The following PALM2AKAP2 variants were observed in gnomAD, a reference collection of about 807,000 sequenced individuals.
PALM2AKAP2 encodes PALM2-AKAP2 fusion protein.
A neutral mutation model predicts 71.5 loss-of-function variants in PALM2AKAP2; 37 were observed. The observed-to-expected ratio is 0.52, with a 90% CI of 0.40 to 0.68. The LOEUF is 0.68. PALM2AKAP2 is among the 30% of genes least tolerant of loss of function. PALM2AKAP2 has a pLI of 0.00. For missense variants in PALM2AKAP2, 1,224 were observed against 1,191.8 expected (o/e 1.03, Z -0.40); for synonymous variants, 468 against 478.8 (o/e 0.98, Z 0.29).
intron 1 of PALM2AKAP2, among the ~76,000 whole-genome samples, chr9:110,119,437 T>C (rs1835438570): frequency 6.6e-6 from 1 of 152,128 alleles, no homozygotes. Context: ...GATTGCGGCA[T>C]TGGAGATCCT....
chr9:109,996,556 C>A (rs1357486981), intron 6 of PALM2AKAP2, among the ~76,000 whole-genome samples: 1 of 152,080 alleles, frequency 6.6e-6, no homozygotes. Context: ...TTTTTGCTCT[C>A]ATTTTGTGCA....
chr9:109,892,814 T>C (rs967275470), intron 3 of PALM2AKAP2, among the ~76,000 whole-genome samples: 2 of 152,156 alleles, frequency 1.3e-5, no homozygotes, highest in African/African-American at 2.4e-5. Context: ...ATCAACTTTA[T>C]TGGGGAGGGG....
chr9:110,011,399 G>A (rs527522151), intron 6 of PALM2AKAP2, among the ~76,000 whole-genome samples: 3 of 152,064 alleles, frequency 2.0e-5, no homozygotes, highest in Admixed American at 2.0e-4. Context: ...GCAAATGTTG[G>A]TGCTATAGTT....
At chr9:110,018,326 A>G (rs1401459056) in intron 7 of PALM2AKAP2, among the ~76,000 whole-genome samples, 1 of 151,978 alleles carries the variant, frequency 6.6e-6, no homozygotes, top group African/African-American at 2.4e-5. Context: ...CAAAATAGAA[A>G]TTTATTTCTT....
At position 109,912,874 on chromosome 9, in the gene PALM2AKAP2, C is replaced by T. The variant is rs1231540071; in HGVS notation, c.258-10861C>T. 2.0e-5 allele frequency among the ~76,000 whole-genome samples: 3 copies of T among 152,136 alleles called. No homozygotes were observed. The East Asian group carries it at 5.8e-4, about 29-fold the overall frequency. On this transcript the variant is annotated intron_variant, in intron 3 of 9. Coordinates refer to the PALM2AKAP2 transcript ENST00000302798. ...GTCTCTTCAGAGTTTTACCATGGGA[C>T]GAATTCACCCCCGATTAGTTTTTAT...
chr9:109,910,781 G>A (rs146006243), intron 3 of PALM2AKAP2, among the ~76,000 whole-genome samples: 1,809 of 151,554 alleles, frequency 0.012, 44 homozygotes, highest in African/African-American at 0.041. Context: ...GACTTGACTA[G>A]GAGCAGACGC....
chr9:109,651,515 A>G (rs970166335), intron 1 of PALM2AKAP2, among the ~76,000 whole-genome samples: 3 of 152,190 alleles, frequency 2.0e-5, no homozygotes, highest in Non-Finnish European at 4.4e-5. Context: ...GGAGTATGCC[A>G]TCTGCTTCCA....
chr9:110,164,003 T>C (rs1836667619), intron 3 of PALM2AKAP2, among the ~76,000 whole-genome samples: 1 of 152,228 alleles, frequency 6.6e-6, no homozygotes, highest in Non-Finnish European at 1.5e-5. Context: ...AGTTTTTTGG[T>C]CTCTCTATTT....
At chr9:109,729,824 C>T (rs929120913) in intron 1 of PALM2AKAP2, among the ~76,000 whole-genome samples, 1 of 152,112 alleles carries the variant, frequency 6.6e-6, no homozygotes, top group Non-Finnish European at 1.5e-5. Flanking sequence ...CACTTTGTCT[C>T]CTACAGAAAG....
chr9:110,094,112 C>T (rs916605772), intron 1 of PALM2AKAP2, among the ~76,000 whole-genome samples: 16 of 152,146 alleles, frequency 1.1e-4, no homozygotes, highest in Admixed American at 7.2e-4. Context: ...TCAATAGCAC[C>T]GCTGTTGAGA....
exon 2 of PALM2AKAP2, chr9:110,138,519 C>T (rs777511698): frequency 6.2e-7 from 1 of 1,607,848 alleles, no homozygotes; most frequent in Admixed American, 1.7e-5. Context: ...CCCTCCAGAA[C>T]ATGCTACAAA....
At chr9:109,963,120 T>C (rs1831881980) in intron 6 of PALM2AKAP2, among the ~76,000 whole-genome samples, 1 of 152,088 alleles carries the variant, frequency 6.6e-6, no homozygotes, top group Non-Finnish European at 1.5e-5. Flanking sequence ...AGAATGAGTA[T>C]GGTTTTCAGT....
intron 6 of PALM2AKAP2, among the ~76,000 whole-genome samples, chr9:109,955,227 T>C (rs1831724601): frequency 6.6e-6 from 1 of 152,180 alleles, no homozygotes. Context: ...TTTGGATGAA[T>C]GAGGCTTTGT....
At chr9:109,989,530 A>G (rs1832438764) in intron 6 of PALM2AKAP2, among the ~76,000 whole-genome samples, 1 of 152,214 alleles carries the variant, frequency 6.6e-6, no homozygotes, top group Admixed American at 6.5e-5. Context: ...CTTCAGAGTG[A>G]TGGGCCTCAA....
At chr9:110,048,513 T>C (rs28580572), upstream of PALM2AKAP2, 260 of 577,242 alleles carry the variant, frequency 4.5e-4, no homozygotes, top group African/African-American at 4.7e-3. Flanking sequence ...CGTTTGTGCA[T>C]CGATTCCGCC....
intron 1 of PALM2AKAP2, among the ~76,000 whole-genome samples, chr9:110,078,466 C>G (rs1185782898): frequency 6.6e-6 from 1 of 152,166 alleles, no homozygotes; most frequent in Non-Finnish European, 1.5e-5. Flanking sequence ...TTTATTTTAG[C>G]ACTTATGAAT....
At chr9:109,790,290 T>C (rs1339549355) in intron 1 of PALM2AKAP2, among the ~76,000 whole-genome samples, 1 of 151,830 alleles carries the variant, frequency 6.6e-6, no homozygotes, top group Non-Finnish European at 1.5e-5. Flanking sequence ...ACTTTTTTCC[T>C]GGAAAAAAAA....
chr9:109,738,825 G>A (rs1885504), intron 1 of PALM2AKAP2, among the ~76,000 whole-genome samples: 2 of 152,270 alleles, frequency 1.3e-5, no homozygotes, highest in South Asian at 2.1e-4. Flanking sequence ...TTAAAAAAAT[G>A]TCTAGTTTTT....
Position 110,168,319 on chromosome 9 carries a change from A to G in PALM2AKAP2, c.2749-80A>G. ...CCTCTCAAGTTGATAAAGAGAAAGG[A>G]AGAAAGAAACAGAGAAGTCGGTTTA... On this transcript the variant is annotated intron_variant, in intron 3 of 3. Transcript: ENST00000374525. The G allele has an allele frequency of 2.0e-6, 3 of 1,527,172 alleles. No homozygotes were observed. The South Asian group carries it at 3.7e-5, about 19-fold the overall frequency. 94.6% of individuals were successfully genotyped at this position (1,527,172 alleles called of 1,614,324 possible).
Sources: allele counts gnomAD v4.1 joint callset (sites outside exome capture counted in the v4.1 genomes callset), GRCh38; gene constraint gnomAD v4.1.1; transcripts MANE v1.5; gene names NCBI Gene and HGNC (gene_info 2026-07-23, HGNC 2026-07-21).